Variants in OSBPL6 observed in about 807,000 individuals in gnomAD.
The protein encoded by OSBPL6 is oxysterol binding protein like 6.
In OSBPL6, 49 loss-of-function variants were observed where a neutral mutation model predicts 125.8. The observed-to-expected ratio is 0.39, with a 90% CI of 0.31 to 0.49. OSBPL6 has a LOEUF of 0.49. Ranked by LOEUF, OSBPL6 falls within the 20% of genes least tolerant of loss-of-function variation. The probability of loss-of-function intolerance (pLI) is 0.88; values close to 1 mark genes in which losing one functional copy is unlikely to be tolerated. For missense variants in OSBPL6, 986 were observed against 1,135.4 expected (o/e 0.87, Z 1.89); for synonymous variants, 394 against 391.8 (o/e 1.01, Z -0.07).
intron 1 of OSBPL6, among the ~76,000 whole-genome samples, chr2:178,243,074 ACT>A (rs1353617370): frequency 6.6e-6 from 1 of 152,114 alleles, no homozygotes; most frequent in Admixed American, 6.6e-5. Context: ...AAAATCAATA[ACT>A]CTGTGTAGTC....
At chr2:178,211,582 A>G (rs141299507) in intron 1 of OSBPL6, among the ~76,000 whole-genome samples, 1 of 152,236 alleles carries the variant, frequency 6.6e-6, no homozygotes, top group Non-Finnish European at 1.5e-5. Flanking sequence ...CCATTTTGAT[A>G]GGGATGCCTT....
At chr2:178,385,873 A>C (rs1159484181) in intron 19 of OSBPL6, among the ~76,000 whole-genome samples, 1 of 152,194 alleles carries the variant, frequency 6.6e-6, no homozygotes, top group African/African-American at 2.4e-5. Flanking sequence ...GTGCAAAGAC[A>C]TTTTAATTCT....
chr2:178,289,792 C>T (rs997408803), intron 2 of OSBPL6, among the ~76,000 whole-genome samples: 6 of 152,134 alleles, frequency 3.9e-5, no homozygotes, highest in Non-Finnish European at 8.8e-5. Flanking sequence ...TTTCCACATA[C>T]TAGGTTTGGC....
intron 1 of OSBPL6, among the ~76,000 whole-genome samples, chr2:178,196,003 C>T (rs1446639111): frequency 6.6e-6 from 1 of 151,784 alleles, no homozygotes; most frequent in Non-Finnish European, 1.5e-5. Context: ...TCCTTCCCCC[C>T]GCCCCCAACC....
At chr2:178,346,261 C>G (rs899319166) in intron 11 of OSBPL6, among the ~76,000 whole-genome samples, 1 of 152,176 alleles carries the variant, frequency 6.6e-6, no homozygotes, top group African/African-American at 2.4e-5. Context: ...CACTGAGGAT[C>G]CCAATGCAGT....
At chr2:178,275,434 C>A (rs1204506152) in intron 1 of OSBPL6, among the ~76,000 whole-genome samples, 1 of 152,242 alleles carries the variant, frequency 6.6e-6, no homozygotes, top group Non-Finnish European at 1.5e-5. Flanking sequence ...ATCTCTTGAA[C>A]CCGGAAGCCG....
At chr2:178,320,425 T>G (rs780819166) in intron 3 of OSBPL6, 4 of 1,610,592 alleles carry the variant, frequency 2.5e-6, no homozygotes, top group Non-Finnish European at 3.4e-6. Context: ...ACCTTCTCTG[T>G]GTGTTCTAAG....
intron 15 of OSBPL6, among the ~76,000 whole-genome samples, chr2:178,379,092 A>T (rs1694163649): frequency 6.6e-6 from 1 of 152,008 alleles, no homozygotes; most frequent in African/African-American, 2.4e-5. Flanking sequence ...GGATCCCTTG[A>T]GCCCAGGAGG....
chr2:178,361,924 A>T, intron 13 of OSBPL6, 109 bp downstream of exon 13: 1 of 1,322,306 alleles, frequency 7.6e-7, no homozygotes, highest in Non-Finnish European at 1.0e-6. Flanking sequence ...TGGGGATAGT[A>T]CAGTTTGCAG....
At chr2:178,366,209 A>G (rs1486226814) in intron 13 of OSBPL6, among the ~76,000 whole-genome samples, 3 of 152,196 alleles carry the variant, frequency 2.0e-5, no homozygotes, top group Admixed American at 6.5e-5. Context: ...TGTTTAATGC[A>G]GTACCCTGAA....
intron 1 of OSBPL6, among the ~76,000 whole-genome samples, chr2:178,278,882 AAAG>A: frequency 6.6e-6 from 1 of 152,224 alleles, no homozygotes; most frequent in Non-Finnish European, 1.5e-5. Flanking sequence ...GATAATAAAA[AAAG>A]GTGTTGTACT....
At chr2:178,379,285 A>G (rs1694194195) in intron 15 of OSBPL6, among the ~76,000 whole-genome samples, 1 of 141,808 alleles carries the variant, frequency 7.1e-6, no homozygotes, top group South Asian at 2.3e-4. Context: ...GAAAGAAAGA[A>G]AAGAAAGAAA....
At chr2:178,319,032 G>A (rs1688012227) in intron 3 of OSBPL6, among the ~76,000 whole-genome samples, 1 of 152,152 alleles carries the variant, frequency 6.6e-6, no homozygotes, top group Non-Finnish European at 1.5e-5. Flanking sequence ...TACAGATAGA[G>A]GACACTGAGG....
chr2:178,237,803 G>A (rs994126440), intron 1 of OSBPL6, among the ~76,000 whole-genome samples: 2 of 152,114 alleles, frequency 1.3e-5, no homozygotes, highest in African/African-American at 4.8e-5. Context: ...TCCTCTGTGA[G>A]GACCACTGGT....
At chr2:178,255,751 G>A (rs1011744595) in intron 1 of OSBPL6, among the ~76,000 whole-genome samples, 2 of 152,232 alleles carry the variant, frequency 1.3e-5, no homozygotes, top group African/African-American at 4.8e-5. Flanking sequence ...GGTTGGGGGA[G>A]GAGAATGACA....
At chr2:178,351,798 T>A (rs1691285248) in intron 12 of OSBPL6, among the ~76,000 whole-genome samples, 1 of 152,054 alleles carries the variant, frequency 6.6e-6, no homozygotes, top group East Asian at 2.0e-4. Context: ...TAACAACTTA[T>A]GAACACAAAG....
intron 11 of OSBPL6, among the ~76,000 whole-genome samples, chr2:178,343,597 A>G (rs918644067): frequency 2.6e-5 from 4 of 152,200 alleles, no homozygotes; most frequent in Admixed American, 6.5e-5. Flanking sequence ...TCAGGTTTTC[A>G]TAGTTGATTT....
intron 1 of OSBPL6, among the ~76,000 whole-genome samples, chr2:178,237,221 T>C (rs1178520210): frequency 6.6e-6 from 1 of 152,222 alleles, no homozygotes; most frequent in Non-Finnish European, 1.5e-5. Context: ...TCTACCTCCA[T>C]GGGGGCTGTT....
In OSBPL6 at chr2:178,374,047, T is replaced by G. The variant is rs771831475; in HGVS notation, c.1533+20T>G. Reference sequence around the variant, plus strand: ...AATGAGGTATGTATGCCTCCTTGACTTGTTGGCCTCAACATCTTGTGACTG... The same window carrying G: ...AATGAGGTATGTATGCCTCCTTGACGTGTTGGCCTCAACATCTTGTGACTG... On this transcript the variant is annotated intron_variant, in intron 15 of 24. Coordinates refer to ENST00000190611, the MANE Select transcript of OSBPL6 (RefSeq NM_032523.4). 1.6e-5 allele frequency: 26 copies of G among 1,610,796 alleles called. No individual in the cohort carries two copies. The highest frequency in any genetic ancestry group is 1.7e-4 in the Middle Eastern group (1 of 6,036).
Sources: allele counts gnomAD v4.1 joint callset (sites outside exome capture counted in the v4.1 genomes callset), GRCh38; gene constraint gnomAD v4.1.1; transcripts MANE v1.5; gene names NCBI Gene and HGNC (gene_info 2026-07-23, HGNC 2026-07-21).